The following POLE variants were observed in gnomAD, a reference collection of about 807,000 sequenced individuals.
POLE encodes DNA polymerase epsilon, catalytic subunit, also known as DNA polymerase epsilon catalytic subunit A.
A neutral mutation model predicts 279.2 loss-of-function variants in POLE; 188 were observed. That is an observed-to-expected ratio of 0.67 (90% CI 0.60 to 0.76). The LOEUF (loss-of-function observed/expected upper bound fraction) is 0.76. Ranked by LOEUF, POLE falls within the 30% of genes least tolerant of loss-of-function variation. The pLI is 0.00. For synonymous variants in POLE, 1,214 were observed against 1,172.5 expected (o/e 1.04, Z -0.72); for missense variants, 2,703 against 3,016.7 (o/e 0.90, Z 2.44).
chr12:132,681,397 G>A (rs2043166142), intron 1 of POLE, 118 bp from the exon 2 acceptor site: 6 of 1,017,734 alleles, frequency 5.9e-6, no homozygotes, highest in South Asian at 4.9e-5. Flanking sequence ...AGGCTGGAGT[G>A]CAGTGGTGTG....
At position 132,643,849 on chromosome 12, in the gene POLE, T is replaced by C. The variant is rs2042212719; in HGVS notation, c.4278A>G (p.Val1426=). 1 of 1,613,996 alleles carries C rather than the reference T, an allele frequency of 6.2e-7. No homozygotes were observed. Among genetic ancestry groups the C allele is most frequent in the African/African-American group, 1.3e-5 (1 of 74,936 alleles). The part of the protein sequence containing the change: ...AELSAPDIEG[V]YETQVPLLFR... Reference sequence around the variant, plus strand: ...GCTGGGGAGTCACCTGAGTCTCATATACGCCCTCGATGTCTGGCGCTGACA... The same window carrying C: ...GCTGGGGAGTCACCTGAGTCTCATACACGCCCTCGATGTCTGGCGCTGACA... Residue 1426 remains valine, a synonymous_variant, in exon 33 of 49, where the codon GTA becomes GTG. Coordinates refer to ENST00000320574, the MANE Select transcript of POLE (RefSeq NM_006231.4).
rs199773841 is a variant in POLE at position 132,680,026 on chromosome 12, T to C, written c.351A>G (p.Ser117=). The change falls in exon 5 of 49, where the codon TCA becomes TCG. Residue 117 remains serine, a synonymous_variant. Coordinates refer to ENST00000320574, the MANE Select transcript of POLE (RefSeq NM_006231.4). ...CCTGAAACTTCTTGGAGAGAAAAGA[T>C]GAAACTTCTCGCTCACAACCCTAAT... ...ATRKGCEREV[S]SFLSKKFQGK... The C allele has an allele frequency of 1.7e-4, 277 of 1,613,846 alleles. No individual in the cohort carries two copies. Among genetic ancestry groups the C allele is most frequent in the Non-Finnish European group, 2.3e-4 (267 of 1,179,888 alleles).
intron 29 of POLE, among the ~76,000 whole-genome samples, chr12:132,653,111 G>A (rs1245995720): frequency 6.6e-6 from 1 of 152,190 alleles, no homozygotes; most frequent in Admixed American, 6.5e-5. Flanking sequence ...CAGGCATGGT[G>A]GCTCACACCT....
Position 132,677,607 on chromosome 12 carries a change from G to A in POLE, c.691C>T (p.Arg231Cys), listed in dbSNP as rs146592584. Residue 231 changes from arginine to cysteine, a missense_variant, in exon 7 of 49, where the codon CGC becomes TGC. By Grantham distance (180) the Arg-to-Cys change is radical. Transcript: ENST00000320574. ...TGGATCTTCAGGTCAATGGAGAGGCGGATGTGGTAGGGAACATCGTACTCG... is the reference window on the plus strand; with the variant it reads ...TGGATCTTCAGGTCAATGGAGAGGCAGATGTGGTAGGGAACATCGTACTCG... ...MREYDVPYHI[R>C]LSIDLKIHVA... 2.8e-4 allele frequency: 450 copies of A among 1,614,030 alleles called. No homozygotes were observed. The highest frequency in any genetic ancestry group is 3.6e-4 in the Non-Finnish European group (429 of 1,180,024).
At chr12:132,678,957 A>C (rs1483579232) in intron 6 of POLE, among the ~76,000 whole-genome samples, 1 of 152,228 alleles carries the variant, frequency 6.6e-6, no homozygotes, top group Non-Finnish European at 1.5e-5. Flanking sequence ...AATGTTCAGC[A>C]TCCCAAACTG....
At position 132,626,106 on chromosome 12, in the gene POLE, C is replaced by T. The variant is rs2041832607; in HGVS notation, c.6531+11G>A. 1.9e-6 allele frequency: 3 copies of T among 1,584,200 alleles called. No homozygotes were observed. Among genetic ancestry groups the T allele is most frequent in the Non-Finnish European group, 8.6e-7 (1 of 1,165,920 alleles). On this transcript the variant is annotated intron_variant, in intron 46 of 48. Coordinates refer to ENST00000320574, the MANE Select transcript of POLE (RefSeq NM_006231.4). ...CTCCACAGTGAAGGGCCCGCTGGAGCTCAGCCGCACCTCTGAGAAGGAAGA... is the reference window on the plus strand; with the variant it reads ...CTCCACAGTGAAGGGCCCGCTGGAGTTCAGCCGCACCTCTGAGAAGGAAGA...
In POLE at chr12:132,661,705, G is replaced by T. The variant is rs1268165000; in HGVS notation, c.2707-21C>A. On this transcript the variant is annotated intron_variant, in intron 23 of 48. Coordinates refer to ENST00000320574, the MANE Select transcript of POLE (RefSeq NM_006231.4). The surrounding 1 kb of genome is among the most constrained non-coding windows in gnomAD (Gnocchi z 4.1). ...CCTTCCTGAGAAACAAGAGTGAAGA[G>T]GGGGCAGCTTCACTCATGATGGCCC... 1.9e-6 allele frequency: 3 copies of T among 1,612,628 alleles called. No individual in the cohort carries two copies. Among genetic ancestry groups the T allele is most frequent in the Non-Finnish European group, 2.5e-6 (3 of 1,179,190 alleles).
chr12:132,685,224 G>A (rs980104955), intron 1 of POLE, among the ~76,000 whole-genome samples: 8 of 148,396 alleles, frequency 5.4e-5, no homozygotes, highest in Admixed American at 3.4e-4. Flanking sequence ...ACTGGTTACT[G>A]TATCACACCG....
chr12:132,685,335 A>C (rs1005238676), intron 1 of POLE, among the ~76,000 whole-genome samples: 5 of 151,512 alleles, frequency 3.3e-5, no homozygotes, highest in African/African-American at 7.3e-5. Flanking sequence ...ATTCACAGAG[A>C]GCTACCATTG....
At chr12:132,643,052 C>T in intron 35 of POLE, 56 bp from the exon 36 acceptor site, 1 of 1,531,492 alleles carries the variant, frequency 6.5e-7, no homozygotes, top group Non-Finnish European at 8.8e-7. Flanking sequence ...GTGGGGGCAG[C>T]CCTGGGGCAG....
intron 26 of POLE, 65 bp from the exon 27 acceptor site, chr12:132,658,035 T>G: frequency 1.0e-6 from 1 of 977,410 alleles, no homozygotes; most frequent in Non-Finnish European, 1.7e-6. Context: ...TGATCCTAAC[T>G]CTTATCAAAT....
intron 45 of POLE, among the ~76,000 whole-genome samples, chr12:132,631,925 G>C (rs5745032): frequency 0.66 from 100,281 of 152,094 alleles, 33,694 homozygotes; most frequent in East Asian, 0.8. Flanking sequence ...CTCCCTTCTC[G>C]GGTCGGCTGG....
intron 32 of POLE, among the ~76,000 whole-genome samples, chr12:132,645,432 G>T (rs1295796890): frequency 6.6e-6 from 1 of 152,152 alleles, no homozygotes; most frequent in Non-Finnish European, 1.5e-5. Flanking sequence ...CTAGCTTCAT[G>T]CATGAACCAG....
chr12:132,640,113 G>A (rs2042113186), intron 39 of POLE, among the ~76,000 whole-genome samples: 2 of 152,070 alleles, frequency 1.3e-5, no homozygotes, highest in Non-Finnish European at 2.9e-5. Flanking sequence ...CCATTCAGGC[G>A]CTCGCCCGTG....
intron 1 of POLE, among the ~76,000 whole-genome samples, chr12:132,682,628 T>C (rs899538749): frequency 2.6e-5 from 4 of 152,118 alleles, no homozygotes; most frequent in Non-Finnish European, 5.9e-5. Context: ...TTCTGACAAA[T>C]GCATGAGAAT....
chr12:132,641,794 T>C lies in POLE; in HGVS notation c.5231A>G (p.His1744Arg). 1.2e-6 allele frequency: 2 copies of C among 1,606,192 alleles called. No individual in the cohort carries two copies. The highest frequency in any genetic ancestry group is 1.7e-6 in the Non-Finnish European group (2 of 1,179,948). ...GTCGGCCCCCTCCATGTCGTTGACA[T>C]GGTGAGACTGGAGAATGGTGTTGAC... Reference protein sequence around the residue: ...LAVNTILQSHHVNDMEGADSM... With the variant: ...LAVNTILQSHRVNDMEGADSM... The change falls in exon 39 of 49, where the codon CAT (histidine) becomes CGT (arginine). Residue 1744 changes from histidine to arginine, a missense_variant. His to Arg is a conservative substitution (Grantham distance 29). Transcript: ENST00000320574.
intron 26 of POLE, chr12:132,658,294 G>A (rs561542211): frequency 1.1e-4 from 30 of 268,090 alleles, no homozygotes; most frequent in East Asian, 6.9e-4. Flanking sequence ...ACGTGCATGC[G>A]TACAGGCAAA....
intron 41 of POLE, among the ~76,000 whole-genome samples, chr12:132,637,727 TG>T (rs1264535195): frequency 1.3e-5 from 2 of 152,124 alleles, no homozygotes; most frequent in African/African-American, 4.8e-5. Flanking sequence ...TGAATATCCA[TG>T]GGGAAAAAAA....
chr12:132,625,560 C>T (rs1161760245), intron 47 of POLE, 85 bp downstream of exon 47: 25 of 1,554,926 alleles, frequency 1.6e-5, no homozygotes, highest in African/African-American at 1.3e-5. Flanking sequence ...TGCCTCAGGA[C>T]CTGCACACAC....
Sources: allele counts gnomAD v4.1 joint callset (sites outside exome capture counted in the v4.1 genomes callset), GRCh38; gene constraint gnomAD v4.1.1; non-coding constraint Gnocchi (gnomAD v3.1); transcripts MANE v1.5; gene names NCBI Gene and HGNC (gene_info 2026-07-23, HGNC 2026-07-21).